The following CNTNAP2 variants were observed in gnomAD, a reference collection of about 807,000 sequenced individuals.
CNTNAP2 encodes contactin-associated protein-like 2.
A neutral mutation model predicts 155.2 loss-of-function variants in CNTNAP2; 98 were observed. The observed-to-expected ratio is 0.63, with a 90% confidence interval of 0.54 to 0.75. The LOEUF is 0.75. Ranked by LOEUF, CNTNAP2 falls within the 30% of genes least tolerant of loss-of-function variation. The pLI is 0.00. For missense variants in CNTNAP2, 1,727 were observed against 1,688.1 expected, an observed-to-expected ratio of 1.02 and a Z score of -0.40; for synonymous variants, 651 against 631.2, an observed-to-expected ratio of 1.03 and a Z score of -0.47.
rs530755140 is a variant in CNTNAP2, at chr7:146,428,492, T to C, written c.97+311519T>C. Reference sequence around the variant, plus strand: ...GTGGTTTTGATTTACGTTTTTTTAATGATCAGTGATGCTAAGCTTTTTTTC... The same window carrying C: ...GTGGTTTTGATTTACGTTTTTTTAACGATCAGTGATGCTAAGCTTTTTTTC... On this transcript the variant is annotated intron_variant, in intron 1 of 23. Transcript: ENST00000361727. Among the ~76,000 whole-genome samples, 97 of 152,308 alleles carry C rather than the reference T, an allele frequency of 6.4e-4. 1 individual carries two copies. The highest frequency in any genetic ancestry group is 7.7e-4 in the East Asian group (4 of 5,180).
intron 1 of CNTNAP2, among the ~76,000 whole-genome samples, chr7:146,621,680 C>G (rs938051168): frequency 6.6e-6 from 1 of 152,116 alleles, no homozygotes; most frequent in Admixed American, 6.6e-5. Context: ...ACTAGCAACA[C>G]GACTTGTCAC....
At chr7:147,770,401 A>C (rs574527161) in intron 13 of CNTNAP2, among the ~76,000 whole-genome samples, 20 of 152,228 alleles carry the variant, frequency 1.3e-4, no homozygotes, top group Admixed American at 1.2e-3. Flanking sequence ...GGGGAAATGG[A>C]TAAGATAAAC....
intron 15 of CNTNAP2, among the ~76,000 whole-genome samples, chr7:147,981,333 CAT>C (rs1208934864): frequency 5.9e-5 from 9 of 152,332 alleles, no homozygotes; most frequent in East Asian, 1.9e-4. Flanking sequence ...CTCAGCCACA[CAT>C]GTCAGTTACC....
intron 21 of CNTNAP2, among the ~76,000 whole-genome samples, chr7:148,357,142 C>T (rs1014507760): frequency 2.6e-5 from 4 of 152,092 alleles, no homozygotes; most frequent in Admixed American, 2.6e-4. Context: ...GGGAGGGACC[C>T]AGTGGGACGT....
At chr7:147,781,861 C>CAA (rs1027449337) in intron 13 of CNTNAP2, among the ~76,000 whole-genome samples, 4 of 151,946 alleles carry the variant, frequency 2.6e-5, no homozygotes, top group African/African-American at 9.7e-5. Flanking sequence ...GTCTCTACTA[C>CAA]AAATACAAAA....
chr7:147,553,970 G>GA (rs1246662524), intron 11 of CNTNAP2, among the ~76,000 whole-genome samples: 10 of 151,630 alleles, frequency 6.6e-5, no homozygotes, highest in South Asian at 2.1e-4. Flanking sequence ...CAAAAGAAAA[G>GA]AAAAAAAAGG....
chr7:148,374,698 C>T (rs1184928120), intron 21 of CNTNAP2, among the ~76,000 whole-genome samples: 1 of 152,188 alleles, frequency 6.6e-6, no homozygotes, highest in African/African-American at 2.4e-5. Flanking sequence ...TCTATTTCTG[C>T]TGCTATCAAG....
chr7:147,760,561 T>C (rs544124461), intron 13 of CNTNAP2, among the ~76,000 whole-genome samples: 1 of 152,346 alleles, frequency 6.6e-6, no homozygotes, highest in South Asian at 2.1e-4. Context: ...TAATAAATCA[T>C]TGTGGCTGAG....
chr7:147,236,876 G>T (rs1197745336), intron 8 of CNTNAP2, among the ~76,000 whole-genome samples: 2 of 151,822 alleles, frequency 1.3e-5, no homozygotes, highest in African/African-American at 2.4e-5. Context: ...CTTCCACAAT[G>T]CTAAAGACTG....
chr7:147,947,058 C>T (rs1417823580), intron 14 of CNTNAP2, among the ~76,000 whole-genome samples: 4 of 152,160 alleles, frequency 2.6e-5, no homozygotes, highest in Admixed American at 6.5e-5. Context: ...GACAAAGTTC[C>T]TCTGAGCTCT....
chr7:146,836,870 T>C (rs949160857), intron 2 of CNTNAP2, among the ~76,000 whole-genome samples: 2 of 152,118 alleles, frequency 1.3e-5, no homozygotes, highest in Non-Finnish European at 2.9e-5. Flanking sequence ...ATATTTTTGC[T>C]GGACATAGAA....
chr7:146,385,294 T>A (rs1048484948), intron 1 of CNTNAP2, among the ~76,000 whole-genome samples: 19 of 152,128 alleles, frequency 1.2e-4, no homozygotes, highest in Non-Finnish European at 2.5e-4. Context: ...TAAAGTTAAT[T>A]CCCTACAGTA....
chr7:147,243,879 A>G (rs1435764540), intron 8 of CNTNAP2, among the ~76,000 whole-genome samples: 1 of 152,174 alleles, frequency 6.6e-6, no homozygotes, highest in East Asian at 1.9e-4. Flanking sequence ...AGTTGGCACC[A>G]AGGACACACT....
At chr7:147,326,295 G>A (rs2692134) in intron 9 of CNTNAP2, among the ~76,000 whole-genome samples, 114,106 of 152,130 alleles carry the variant, frequency 0.75, 43,690 homozygotes, top group African/African-American at 0.92. Context: ...AACATATAAT[G>A]TTTGTTCTTT....
At chr7:146,242,058 A>G (rs1799571393) in intron 1 of CNTNAP2, among the ~76,000 whole-genome samples, 3 of 152,188 alleles carry the variant, frequency 2.0e-5, no homozygotes, top group South Asian at 4.1e-4. Flanking sequence ...AAAGAGTTCA[A>G]TAATATAATT....
rs142824238 is a variant in CNTNAP2 at position 147,764,121 on chromosome 7, C to G, written c.2098+124815C>G. On this transcript the variant is annotated intron_variant, in intron 13 of 23. Transcript: ENST00000361727. ...CAAATCTCTATCTCGTGTATTCCAA[C>G]CCTGTTTGCTATGGGTTATTTTCTT... is the stretch of plus-strand genomic sequence containing the variant. Among the ~76,000 whole-genome samples, 545 of 152,104 alleles carry G rather than the reference C, an allele frequency of 3.6e-3. 5 individuals carry two copies. Among genetic ancestry groups the G allele is most frequent in the African/African-American group, 0.011 (473 of 41,536 alleles).
At chr7:148,331,084 G>C (rs1797993917) in intron 21 of CNTNAP2, among the ~76,000 whole-genome samples, 1 of 151,144 alleles carries the variant, frequency 6.6e-6, no homozygotes, top group African/African-American at 2.4e-5. Context: ...TGGATAGATG[G>C]AGTGGACGGA....
At chr7:148,292,450 C>A (rs2099325962) in intron 21 of CNTNAP2, among the ~76,000 whole-genome samples, 1 of 152,142 alleles carries the variant, frequency 6.6e-6, no homozygotes, top group South Asian at 2.1e-4. Flanking sequence ...AAAACACGTG[C>A]CTCTGATTAA....
intron 13 of CNTNAP2, among the ~76,000 whole-genome samples, chr7:147,771,821 T>G (rs2116536717): frequency 6.6e-6 from 1 of 152,276 alleles, no homozygotes; most frequent in East Asian, 1.9e-4. Context: ...CATAAATTTA[T>G]GAATTTGATA....
Sources: allele counts gnomAD v4.1 joint callset (sites outside exome capture counted in the v4.1 genomes callset), GRCh38; gene constraint gnomAD v4.1.1; transcripts MANE v1.5; gene names NCBI Gene and HGNC (gene_info 2026-07-23, HGNC 2026-07-21).